Variants in CNTN5 observed in about 807,000 individuals in gnomAD.
CNTN5 encodes contactin-5.
Under a neutral mutation model 129.1 loss-of-function variants are expected in CNTN5, and 77 were observed. That is an observed-to-expected ratio of 0.60 (90% CI 0.50 to 0.72). CNTN5 has a LOEUF of 0.72. Among genes scored for constraint, CNTN5 ranks in the 30% least tolerant of loss-of-function variants. CNTN5 has a pLI of 0.00. For missense variants in CNTN5, 1,478 were observed against 1,328.8 expected, an observed-to-expected ratio of 1.11 and a Z score of -1.75; for synonymous variants, 509 against 465.6, an observed-to-expected ratio of 1.09 and a Z score of -1.20.
intron 7 of CNTN5, among the ~76,000 whole-genome samples, chr11:99,935,136 A>C (rs2136091067): frequency 6.6e-6 from 1 of 151,528 alleles, no homozygotes; most frequent in Admixed American, 6.6e-5. Flanking sequence ...AATATTAATA[A>C]ATTAGCAAAC....
At position 99,440,624 on chromosome 11, in the gene CNTN5, C is replaced by T. The variant is rs548944819; in HGVS notation, c.-71+115140C>T. ...ACTTTGGTTCTCTGATGACTTTGTC[C>T]ATAGCCTTGTGTAACATTTCTTCTT... On this transcript the variant is annotated intron_variant, in intron 2 of 24. Transcript: ENST00000524871. Among the ~76,000 whole-genome samples the T allele has an allele frequency of 5.3e-5, 8 of 152,200 alleles. No homozygotes were observed. In the South Asian group the frequency reaches 1.5e-3, roughly 28 times the overall value.
intron 3 of CNTN5, among the ~76,000 whole-genome samples, chr11:99,690,598 T>C (rs1954001551): frequency 6.6e-6 from 1 of 152,180 alleles, no homozygotes; most frequent in African/African-American, 2.4e-5. Context: ...TCTTCCTATC[T>C]ATGATCATGG....
chr11:100,281,722 G>C (rs1950645529), intron 18 of CNTN5, among the ~76,000 whole-genome samples: 1 of 152,068 alleles, frequency 6.6e-6, no homozygotes, highest in Admixed American at 6.5e-5. Flanking sequence ...AAAACTCTTA[G>C]ATTTGCCCTT....
In CNTN5 at chr11:99,710,223, C is replaced by T. The variant is rs141039044; in HGVS notation, c.56-109321C>T. 6.0e-3 allele frequency among the ~76,000 whole-genome samples: 916 copies of T among 151,820 alleles called. 8 individuals are homozygous for T. Among genetic ancestry groups the T allele is most frequent in the Non-Finnish European group, 9.7e-3 (657 of 67,854 alleles). Reference sequence around the variant, plus strand: ...GGGTCACCGCTGTTGTTGTATTTATCATCACTGCCCAGCATCTTTACCCTG... The same window carrying T: ...GGGTCACCGCTGTTGTTGTATTTATTATCACTGCCCAGCATCTTTACCCTG... On this transcript the variant is annotated intron_variant, in intron 3 of 24. Coordinates refer to ENST00000524871, the MANE Select transcript of CNTN5 (RefSeq NM_014361.4).
At chr11:100,213,127 C>T (rs1362637520) in intron 15 of CNTN5, among the ~76,000 whole-genome samples, 1 of 152,156 alleles carries the variant, frequency 6.6e-6, no homozygotes, top group Non-Finnish European at 1.5e-5. Context: ...GCCATTCTCT[C>T]TGTATAATAG....
intron 2 of CNTN5, among the ~76,000 whole-genome samples, chr11:99,429,031 TATA>T (rs1943254610): frequency 6.6e-6 from 1 of 152,152 alleles, no homozygotes; most frequent in African/African-American, 2.4e-5. Context: ...TTTGACAGCT[TATA>T]ATATCTAGCA....
At chr11:100,355,821 T>A (rs1252948744) in intron 24 of CNTN5, among the ~76,000 whole-genome samples, 1 of 151,738 alleles carries the variant, frequency 6.6e-6, no homozygotes, top group African/African-American at 2.4e-5. Context: ...CAAAATTATT[T>A]TATTTTTTAT....
At chr11:100,257,906 G>A (rs1187184458) in intron 17 of CNTN5, among the ~76,000 whole-genome samples, 5 of 152,032 alleles carry the variant, frequency 3.3e-5, no homozygotes, top group African/African-American at 7.2e-5. Context: ...ACAACTCCTC[G>A]CCAGCAAGGG....
At chr11:100,043,921 C>T (rs1393712510) in intron 9 of CNTN5, among the ~76,000 whole-genome samples, 1 of 152,024 alleles carries the variant, frequency 6.6e-6, no homozygotes, top group Non-Finnish European at 1.5e-5. Flanking sequence ...TCAAGGGGTA[C>T]AAGTGCAGTT....
intron 6 of CNTN5, among the ~76,000 whole-genome samples, chr11:99,910,882 T>G (rs1344183341): frequency 3.3e-5 from 5 of 152,102 alleles, no homozygotes; most frequent in African/African-American, 4.8e-5. Context: ...GTGACCTGAA[T>G]AATCCTGATG....
At chr11:99,090,749 G>A (rs1275723211) in intron 1 of CNTN5, among the ~76,000 whole-genome samples, 1 of 149,778 alleles carries the variant, frequency 6.7e-6, no homozygotes, top group East Asian at 2.0e-4. Context: ...ACGGCCGGGC[G>A]CGGTGGCTCA....
intron 2 of CNTN5, among the ~76,000 whole-genome samples, chr11:99,476,607 T>A (rs1945381147): frequency 6.6e-6 from 1 of 152,146 alleles, no homozygotes; most frequent in Non-Finnish European, 1.5e-5. Flanking sequence ...TTGGCATATG[T>A]AGCAATAAGC....
chr11:100,199,507 C>T (rs1004255025), intron 15 of CNTN5, among the ~76,000 whole-genome samples: 1 of 151,810 alleles, frequency 6.6e-6, no homozygotes, highest in Non-Finnish European at 1.5e-5. Flanking sequence ...TTTAATAGGA[C>T]AGAAACATAC....
intron 6 of CNTN5, among the ~76,000 whole-genome samples, chr11:99,904,648 T>C (rs530613485): frequency 2.4e-4 from 37 of 152,284 alleles, no homozygotes; most frequent in African/African-American, 8.7e-4. Flanking sequence ...ATCCTTTTGG[T>C]ATATACCCAG....
chr11:99,345,407 C>T (rs986688691), intron 2 of CNTN5, among the ~76,000 whole-genome samples: 2 of 152,136 alleles, frequency 1.3e-5, no homozygotes, highest in African/African-American at 4.8e-5. Flanking sequence ...CACCTTTGTA[C>T]ACAGGCATCT....
chr11:99,971,826 ATATT>A (rs1951265033), intron 8 of CNTN5, among the ~76,000 whole-genome samples: 1 of 150,608 alleles, frequency 6.6e-6, no homozygotes, highest in African/African-American at 2.5e-5. Context: ...TTAAATTATA[ATATT>A]TAATTTTAAA....
intron 6 of CNTN5, among the ~76,000 whole-genome samples, chr11:99,893,987 G>C (rs1213521930): frequency 6.6e-6 from 1 of 152,032 alleles, no homozygotes; most frequent in Admixed American, 6.6e-5. Flanking sequence ...TGTTGCCACT[G>C]CCTTGCCAGG....
At chr11:99,179,132 T>C (rs1857921118) in intron 1 of CNTN5, among the ~76,000 whole-genome samples, 2 of 152,172 alleles carry the variant, frequency 1.3e-5, no homozygotes, top group Admixed American at 6.6e-5. Context: ...GAAATATAAA[T>C]TGAAATTTAA....
At chr11:99,315,453 G>A (rs1865299796) in intron 1 of CNTN5, among the ~76,000 whole-genome samples, 1 of 149,394 alleles carries the variant, frequency 6.7e-6, no homozygotes, top group Non-Finnish European at 1.5e-5. Context: ...AGTGAGGAAA[G>A]CACCAGGTTG....
Sources: gnomAD v4.1 joint callset for allele counts (sites outside exome capture counted in the v4.1 genomes callset) on GRCh38, gnomAD v4.1.1 for gene constraint, MANE v1.5 for transcripts, NCBI Gene and HGNC (gene_info 2026-07-23, HGNC 2026-07-21) for gene names.